RECQL: variants seen among roughly 807,000 people sequenced by gnomAD.
The protein encoded by RECQL is RecQ like helicase, also known as ATP-dependent DNA helicase Q1.
Under a neutral mutation model 75.8 loss-of-function variants are expected in RECQL, and 73 were observed. The ratio of observed to expected loss-of-function variants is 0.96; its 90% CI spans 0.80 to 1.17. RECQL has a LOEUF of 1.17. RECQL is among the 50% of genes most tolerant of loss of function. RECQL has a pLI of 0.00. For synonymous variants in RECQL, 248 were observed against 254.4 expected (o/e 0.97, Z 0.24); for missense variants, 699 against 772.1 (o/e 0.91, Z 1.12).
chr12:21,475,051 T>C, intron 10 of RECQL, 72 bp from the exon 11 acceptor site: 1 of 1,482,888 alleles, frequency 6.7e-7, no homozygotes, highest in Non-Finnish European at 9.3e-7. Context: ...TGACATATGG[T>C]AAAATTAGCA....
intron 5 of RECQL, among the ~76,000 whole-genome samples, chr12:21,485,210 C>CA (rs60867895): frequency 0.48 from 53,681 of 112,354 alleles, 11,133 homozygotes; most frequent in South Asian, 0.56. Context: ...TATACTCTTG[C>CA]AAAAAAAAAA....
In RECQL at chr12:21,475,753, CA is replaced by C. The variant is rs1218560480; in HGVS notation, c.1020del (p.His340GlnfsTer28). 2 of 1,613,354 alleles carry C rather than the reference CA, an allele frequency of 1.2e-6. No homozygotes were observed. The highest frequency in any genetic ancestry group is 1.7e-6 in the Non-Finnish European group (2 of 1,179,462). On this transcript the variant is annotated frameshift_variant, in exon 9 of 15. Coordinates refer to ENST00000444129, the MANE Select transcript of RECQL (RefSeq NM_002907.4). LOFTEE classifies it high-confidence loss of function. ...TCCAAATTGGCATGGTAAGCACCTG[CA>C]TGAATTCCCAGATTCTGCAAACTAA... The part of the protein sequence containing the change: ...VTVSLQNLGI[H>X]AGAYHANLEP...
chr12:21,483,677 C>A (rs115615222), intron 5 of RECQL, 103 bp from the exon 6 acceptor site: 6 of 810,352 alleles, frequency 7.4e-6, no homozygotes, highest in African/African-American at 7.2e-5. Context: ...GCAATAATAG[C>A]CTTTGGCTCT....
intron 2 of RECQL, among the ~76,000 whole-genome samples, chr12:21,492,595 G>C (rs1486446264): frequency 1.3e-5 from 2 of 152,186 alleles, no homozygotes; most frequent in African/African-American, 4.8e-5. Flanking sequence ...GTTAGGTTTG[G>C]CCACAAGTGA....
At chr12:21,479,244 C>G (rs914870317) in intron 6 of RECQL, among the ~76,000 whole-genome samples, 2 of 152,164 alleles carry the variant, frequency 1.3e-5, no homozygotes, top group Admixed American at 6.6e-5. Context: ...TGAACCCTGA[C>G]TGACACTGTT....
intron 2 of RECQL, among the ~76,000 whole-genome samples, chr12:21,495,046 C>T (rs7955484): frequency 0.015 from 2,212 of 152,284 alleles, 33 homozygotes; most frequent in African/African-American, 0.038. Context: ...GTCCCTGAAA[C>T]GGAAATAGAT....
chr12:21,483,711 T>A, intron 5 of RECQL, 137 bp from the exon 6 acceptor site: 2 of 637,130 alleles, frequency 3.1e-6, no homozygotes, highest in Non-Finnish European at 5.2e-6. Context: ...GTTTAGTTCA[T>A]TAAAACTGAA....
At chr12:21,483,187 G>A (rs1943224122) in intron 6 of RECQL, among the ~76,000 whole-genome samples, 189 bp downstream of exon 6, 1 of 152,078 alleles carries the variant, frequency 6.6e-6, no homozygotes, top group Non-Finnish European at 1.5e-5. Context: ...AGTAATACAG[G>A]TTGATCATCC....
chr12:21,498,625 T>TA (rs1180049176), intron 2 of RECQL, among the ~76,000 whole-genome samples: 1 of 152,180 alleles, frequency 6.6e-6, no homozygotes, highest in African/African-American at 2.4e-5. Context: ...GGAAATCAGA[T>TA]AGCTACTACA....
intron 2 of RECQL, among the ~76,000 whole-genome samples, chr12:21,496,731 A>G (rs541450041): frequency 9.9e-5 from 15 of 152,232 alleles, no homozygotes; most frequent in Non-Finnish European, 2.1e-4. Context: ...ATAAGTTTCT[A>G]TATCTGGCCC....
In RECQL at chr12:21,501,300, T is replaced by G. The variant is rs1280512248; in HGVS notation, c.-176A>C. ...GGCCCGAGTTCTCAGAGCAGGGCAG[T>G]GATTAACTTTCCGGTTTCTCCTCCG... On this transcript the variant is annotated 5_prime_UTR_variant, in exon 1 of 15. Coordinates refer to ENST00000444129, the MANE Select transcript of RECQL (RefSeq NM_002907.4). The G allele has an allele frequency of 6.6e-6, 1 of 152,320 alleles. No homozygotes were observed. Among genetic ancestry groups the G allele is most frequent in the Non-Finnish European group, 1.5e-5 (1 of 68,072 alleles). 9.4% of individuals were successfully genotyped at this position (152,320 alleles called of 1,614,324 possible).
In RECQL at chr12:21,477,932, A is replaced by G; in HGVS notation, c.738T>C (p.Pro246=). The change falls in exon 7 of 15, where the codon CCT becomes CCC. Residue 246 remains proline, a synonymous_variant. Transcript: ENST00000444129. The part of the protein sequence containing the change: ...KALGILKRQF[P]NASLIGLTAT... ...CAGTCAGCCCAATTAGTGATGCGTT[A>G]GGGAACTGCCGCTTTAAGATACCAA... The G allele has an allele frequency of 1.2e-6, 2 of 1,612,442 alleles. No homozygotes were observed. The highest frequency in any genetic ancestry group is 1.7e-6 in the Non-Finnish European group (2 of 1,179,488).
chr12:21,470,797 A>G, intron 14 of RECQL, 172 bp downstream of exon 14: 1 of 441,220 alleles, frequency 2.3e-6, no homozygotes, highest in Non-Finnish European at 3.7e-6. Context: ...AAATTCTTTC[A>G]CTTACATCTT....
In RECQL at chr12:21,501,535, T is replaced by G. The variant is rs1061626; in HGVS notation, c.-411A>C. 0.19 allele frequency: 43,373 copies of G among 231,458 alleles called. 5,886 individuals carry two copies. The highest frequency in any genetic ancestry group is 0.45 in the African/African-American group (18,380 of 40,992). The allele number at this position is 231,458 out of a possible 1,614,324, so 14.3% of individuals were successfully genotyped here. Reference sequence around the variant, plus strand: ...CTGTCCTGTGTCCGACTCTCCGATCTCCGACTCTCGGATCTCCGACACCAA... The same window carrying G: ...CTGTCCTGTGTCCGACTCTCCGATCGCCGACTCTCGGATCTCCGACACCAA... On this transcript the variant is annotated 5_prime_UTR_variant, in exon 1 of 15. Transcript: ENST00000444129.
Position 21,476,970 on chromosome 12 carries a change from G to A in RECQL, c.890C>T (p.Thr297Ile), listed in dbSNP as rs1339451559. 1 of 1,608,560 alleles carries A rather than the reference G, an allele frequency of 6.2e-7. No individual in the cohort carries two copies. Among genetic ancestry groups the A allele is most frequent in the Admixed American group, 1.7e-5 (1 of 59,286 alleles). ...TACAATATCCTCAATAAAATCTTCAGTGTTTGAGGGCTTCTGCCGAACCTA... is the reference window on the plus strand; with the variant it reads ...TACAATATCCTCAATAAAATCTTCAATGTTTGAGGGCTTCTGCCGAACCTA... ...YYEVRQKPSN[T>I]EDFIEDIVKL... The change falls in exon 8 of 15, where the codon ACT becomes ATT. Residue 297 changes from threonine (T) to isoleucine (I), a missense_variant. Around this residue, in one of 2 missense-constraint regions of RECQL, gnomAD observed 669 missense variants for 713.5 expected, o/e 0.94. Transcript: ENST00000444129.
chr12:21,488,170 T>G (rs1943341702), intron 4 of RECQL, among the ~76,000 whole-genome samples: 1 of 152,186 alleles, frequency 6.6e-6, no homozygotes, highest in Non-Finnish European at 1.5e-5. Context: ...GATGAGTCCT[T>G]TGTCATTAAA....
At chr12:21,482,324 A>T (rs1247324837) in intron 6 of RECQL, among the ~76,000 whole-genome samples, 1 of 152,064 alleles carries the variant, frequency 6.6e-6, no homozygotes, top group Non-Finnish European at 1.5e-5. Flanking sequence ...TTCATACCTG[A>T]TGGCATCTAT....
In RECQL at chr12:21,490,492, T is replaced by C. The variant is rs927508938; in HGVS notation, c.215-114A>G. On this transcript the variant is annotated intron_variant, in intron 3 of 14. Transcript: ENST00000444129. ...ATACTTATAGACCATTAAACTTTTA[T>C]GATAATAGTTTTGAGATTAACTCAC... is the stretch of plus-strand genomic sequence containing the variant. 3.1e-6 allele frequency: 2 copies of C among 634,972 alleles called. 1 individual carries two copies. Among genetic ancestry groups the C allele is most frequent in the South Asian group, 5.0e-5 (2 of 39,682 alleles). The allele number at this position is 634,972 out of a possible 1,614,324, so 39.3% of individuals were successfully genotyped here.
intron 11 of RECQL, among the ~76,000 whole-genome samples, chr12:21,474,281 C>T (rs1016755810): frequency 4.6e-5 from 7 of 151,964 alleles, no homozygotes; most frequent in African/African-American, 1.7e-4. Flanking sequence ...AAAGAAAGAA[C>T]ATTTCTATCA....
Sources: allele counts gnomAD v4.1 joint callset (sites outside exome capture counted in the v4.1 genomes callset), GRCh38; gene constraint gnomAD v4.1.1; regional missense constraint gnomAD v4.1.1; transcripts MANE v1.5; gene names NCBI Gene and HGNC (gene_info 2026-07-23, HGNC 2026-07-21).